IQSEC1: variants seen among roughly 807,000 people sequenced by gnomAD.
IQSEC1 encodes IQ motif and Sec7 domain ArfGEF 1, also known as IQ motif and SEC7 domain-containing protein 1.
Under a neutral mutation model 91.0 loss-of-function variants are expected in IQSEC1, and 31 were observed. The ratio of observed to expected loss-of-function variants is 0.34; its 90% CI spans 0.26 to 0.46. IQSEC1 has a LOEUF of 0.46. IQSEC1 is among the 20% of genes least tolerant of loss of function. The pLI, the probability that IQSEC1 is intolerant of heterozygous loss-of-function variation, is 1.00. For synonymous variants in IQSEC1, 699 were observed against 662.6 expected (o/e 1.05, Z -0.84); for missense variants, 1,388 against 1,575.6 (o/e 0.88, Z 2.02).
intron 3 of IQSEC1, among the ~76,000 whole-genome samples, chr3:12,930,283 G>C (rs1697553228): frequency 6.6e-6 from 1 of 152,180 alleles, no homozygotes; most frequent in South Asian, 2.1e-4. Context: ...CAAGCAGCTG[G>C]GACCACAGGC....
intron 4 of IQSEC1, among the ~76,000 whole-genome samples, chr3:12,923,873 T>C (rs1696863720): frequency 6.6e-6 from 1 of 152,210 alleles, no homozygotes; most frequent in Non-Finnish European, 1.5e-5. Flanking sequence ...CTGCTCTGAG[T>C]GCTCTTCCTG....
rs1041641841 is a variant in IQSEC1, at chr3:13,022,536, G to A, written c.23+50456C>T. 2.4e-5 allele frequency: 21 copies of A among 892,058 alleles called. No individual in the cohort carries two copies. In the East Asian group the frequency reaches 2.0e-3, roughly 85 times the overall value. The allele number at this position is 892,058 out of a possible 1,614,324, so 55.3% of individuals were successfully genotyped here. ...GAAAAGCTCAGCTGCCGGAGCCCAG[G>A]GGCTGGCCCTGCGTCCAGAGGCTGG... On this transcript the variant is annotated intron_variant, in intron 1 of 13. Coordinates refer to ENST00000613206, the MANE Select transcript of IQSEC1 (RefSeq NM_001134382.3).
At chr3:13,155,778 G>T (rs1707076910) in intron 2 of IQSEC1, among the ~76,000 whole-genome samples, 1 of 152,090 alleles carries the variant, frequency 6.6e-6, no homozygotes, top group African/African-American at 2.4e-5. Flanking sequence ...ATGACTAAGT[G>T]GAATTTATTC....
intron 1 of IQSEC1, among the ~76,000 whole-genome samples, chr3:13,249,079 T>G (rs1695151971): frequency 6.6e-6 from 1 of 152,032 alleles, no homozygotes; most frequent in Admixed American, 6.6e-5. Flanking sequence ...TGGAATTCCT[T>G]GTTGGGTCTC....
chr3:12,981,832 A>G (rs1218209994), intron 1 of IQSEC1, among the ~76,000 whole-genome samples: 1 of 152,168 alleles, frequency 6.6e-6, no homozygotes, highest in Non-Finnish European at 1.5e-5. Flanking sequence ...CCATGGGGTC[A>G]GGAGCCGGGT....
chr3:12,993,182 G>A (rs530661306), intron 1 of IQSEC1, among the ~76,000 whole-genome samples: 3 of 152,264 alleles, frequency 2.0e-5, no homozygotes, highest in East Asian at 1.9e-4. Flanking sequence ...AACTCTCCTG[G>A]AGGTCTACCG....
At chr3:13,149,448 A>T (rs533408281) in intron 2 of IQSEC1, among the ~76,000 whole-genome samples, 42 of 152,188 alleles carry the variant, frequency 2.8e-4, no homozygotes, top group African/African-American at 9.4e-4. Flanking sequence ...GACAGAGGAC[A>T]GGCAGGGACA....
intron 1 of IQSEC1, among the ~76,000 whole-genome samples, chr3:13,062,370 C>T (rs1236757291): frequency 6.6e-6 from 1 of 152,156 alleles, no homozygotes; most frequent in Non-Finnish European, 1.5e-5. Flanking sequence ...TGATGGCCAC[C>T]CTGCAAAGCT....
In IQSEC1 at chr3:13,230,376, T is replaced by C. The variant is rs79560990; in HGVS notation, c.272+52335A>G. Among the ~76,000 whole-genome samples the C allele has an allele frequency of 6.9e-3, 1,057 of 152,352 alleles. 13 individuals carry two copies. Among genetic ancestry groups the C allele is most frequent in the African/African-American group, 0.024 (978 of 41,580 alleles). The stretch of plus-strand genomic sequence containing the variant: ...GCAGTGGCATTGTCGTGGTGGACTC[T>C]GGTGAAGCTTCCCCAGGTGTTTTTC... On this transcript the variant is annotated intron_variant, in intron 1 of 15. Coordinates refer to the IQSEC1 transcript ENST00000648114.
intron 1 of IQSEC1, among the ~76,000 whole-genome samples, chr3:13,208,632 A>G (rs1032024810): frequency 1.3e-5 from 2 of 152,190 alleles, no homozygotes. Flanking sequence ...CCTGACCCAT[A>G]GCCAGGTCTG....
chr3:13,167,993 C>T (rs1693530406), intron 1 of IQSEC1, among the ~76,000 whole-genome samples: 1 of 152,186 alleles, frequency 6.6e-6, no homozygotes, highest in African/African-American at 2.4e-5. Context: ...TCTGGTTCTC[C>T]CAAAGCAATT....
intron 1 of IQSEC1, among the ~76,000 whole-genome samples, chr3:12,984,226 GGAGGGAGATTCTA>G (rs1701611419): frequency 6.6e-6 from 1 of 152,196 alleles, no homozygotes; most frequent in Admixed American, 6.5e-5. Context: ...CAGAGTCCCT[GGAGGGAGATTCTA>G]GACAACTGAG....
chr3:12,960,975 A>G (rs1210677180), intron 1 of IQSEC1, among the ~76,000 whole-genome samples: 1 of 152,230 alleles, frequency 6.6e-6, no homozygotes, highest in South Asian at 2.1e-4. Flanking sequence ...CACATCCAGG[A>G]AAGGGCAGAA....
chr3:13,269,107 TC>T (rs1460238373), intron 1 of IQSEC1, among the ~76,000 whole-genome samples: 6 of 152,082 alleles, frequency 3.9e-5, no homozygotes, highest in Non-Finnish European at 8.8e-5. Flanking sequence ...ATGGCAGGCA[TC>T]CGGAGTGAGC....
chr3:13,018,545 G>A (rs1032363577), intron 1 of IQSEC1, among the ~76,000 whole-genome samples: 2 of 152,266 alleles, frequency 1.3e-5, no homozygotes, highest in Admixed American at 1.3e-4. Flanking sequence ...CCTGAGAGGG[G>A]CTGTGGATTT....
At chr3:13,041,577 G>A (rs1041715186) in intron 1 of IQSEC1, among the ~76,000 whole-genome samples, 11 of 152,128 alleles carry the variant, frequency 7.2e-5, no homozygotes, top group Non-Finnish European at 1.5e-5. Context: ...CCATGGCGAC[G>A]GCTCCATGAT....
At position 13,000,209 on chromosome 3, in the gene IQSEC1, CA is replaced by C. The variant is rs527659840; in HGVS notation, c.24-58345del. Among the ~76,000 whole-genome samples the C allele has an allele frequency of 3.3e-3, 496 of 152,246 alleles. 3 individuals carry two copies. The highest frequency in any genetic ancestry group is 0.011 in the African/African-American group (476 of 41,544). Reference sequence around the variant, plus strand: ...CAGGTAGTTCAGTGAAAAAGAAATACAAATGGCCTGTAAACATTCAAAAAGA... The same window carrying C: ...CAGGTAGTTCAGTGAAAAAGAAATACAATGGCCTGTAAACATTCAAAAAGA... On this transcript the variant is annotated intron_variant, in intron 1 of 13. Coordinates refer to ENST00000613206, the MANE Select transcript of IQSEC1 (RefSeq NM_001134382.3).
chr3:13,059,842 T>C (rs567321180), intron 1 of IQSEC1, among the ~76,000 whole-genome samples: 2 of 152,286 alleles, frequency 1.3e-5, no homozygotes, highest in Non-Finnish European at 2.9e-5. Context: ...GGTCACTCTG[T>C]TGGTCCAGGG....
In IQSEC1 at chr3:13,203,318, G is replaced by C. The variant is rs560660191; in HGVS notation, c.273-39185C>G. Among the ~76,000 whole-genome samples the C allele has an allele frequency of 6.6e-5, 10 of 152,328 alleles. No homozygotes were observed. In the South Asian group the frequency reaches 1.2e-3, roughly 19 times the overall value. On this transcript the variant is annotated intron_variant, in intron 1 of 15. Transcript: ENST00000648114. The stretch of plus-strand genomic sequence containing the variant: ...GTAGCAAGGGCTCCCACTGCCACTA[G>C]TTCTTGGAAGCTGCACGGCCCTTGT...
Sources: gnomAD v4.1 joint callset for allele counts (sites outside exome capture counted in the v4.1 genomes callset) on GRCh38, gnomAD v4.1.1 for gene constraint, MANE v1.5 for transcripts, NCBI Gene and HGNC (gene_info 2026-07-23, HGNC 2026-07-21) for gene names.